TM6SF1: variants seen among roughly 807,000 people sequenced by gnomAD.
The protein encoded by TM6SF1 is transmembrane 6 superfamily member 1.
Under a neutral mutation model 47.1 loss-of-function variants are expected in TM6SF1, and 43 were observed. That is an observed-to-expected ratio of 0.91 (90% CI 0.72 to 1.18). The LOEUF (loss-of-function observed/expected upper bound fraction) is 1.18, where lower values mean the gene tolerates loss of function less well. Ranked by LOEUF, TM6SF1 falls within the 50% of genes most tolerant of loss-of-function variation. The pLI is 0.00. For synonymous variants in TM6SF1, 177 were observed against 166.3 expected (o/e 1.06, Z -0.49); for missense variants, 390 against 449.0 (o/e 0.87, Z 1.19).
chr15:83,124,801 G>GT lies in TM6SF1; in HGVS notation c.708+26dup, dbSNP rs1162430329. 1.9e-6 allele frequency: 3 copies of GT among 1,539,872 alleles called. No homozygotes were observed. In the Admixed American group the frequency reaches 5.1e-5, roughly 26 times the overall value. On this transcript the variant is annotated intron_variant, in intron 7 of 9. Coordinates refer to ENST00000322019, the MANE Select transcript of TM6SF1 (RefSeq NM_023003.5). ...GGTAAGCATAACAGATCATAATAAC[G>GT]TAACATTGTGATACTACTCACATTT...
chr15:83,127,386 CTTACT>C lies in TM6SF1; in HGVS notation c.833_837del (p.Tyr278CysfsTer17). On this transcript the variant is annotated frameshift_variant, in exon 9 of 10. Transcript: ENST00000322019. LOFTEE classifies it high-confidence loss of function. ...CTGGCATATATGTTCTATTCTGTTC[CTTACT>C]TTGTGACTGCACTGTATGGCTTAGT... The C allele has an allele frequency of 6.2e-7, 1 of 1,613,788 alleles. No homozygotes were observed. Among genetic ancestry groups the C allele is most frequent in the South Asian group, 1.1e-5 (1 of 91,058 alleles).
chr15:83,108,861 C>T (rs1241103072), intron 1 of TM6SF1, among the ~76,000 whole-genome samples: 1 of 152,234 alleles, frequency 6.6e-6, no homozygotes, highest in African/African-American at 2.4e-5. Flanking sequence ...TCACCAGGCA[C>T]CAGCAGTGTC....
chr15:83,132,931 G>A (rs1200501818), intron 9 of TM6SF1: 2 of 152,178 alleles, frequency 1.3e-5, no homozygotes, highest in Non-Finnish European at 1.5e-5. Flanking sequence ...AAAAGGTCAA[G>A]AGAATCTAAA....
At chr15:83,128,356 T>C (rs1005399787) in intron 9 of TM6SF1, 1 of 152,214 alleles carries the variant, frequency 6.6e-6, no homozygotes, top group African/African-American at 2.4e-5. Flanking sequence ...ATTATAAAAT[T>C]AGCATAGTAG....
Position 83,109,486 on chromosome 15 carries a change from G to C in TM6SF1, c.92+1714G>C, listed in dbSNP as rs559243643. On this transcript the variant is annotated intron_variant, in intron 1 of 9. Coordinates refer to ENST00000322019, the MANE Select transcript of TM6SF1 (RefSeq NM_023003.5). The stretch of plus-strand genomic sequence containing the variant: ...GCACTGGCAAGCACTACAGCATTTT[G>C]AATAATTAGTGTCAGCCATTCTTCC... Among the ~76,000 whole-genome samples the C allele has an allele frequency of 5.9e-5, 9 of 152,300 alleles. No individual in the cohort carries two copies. In the South Asian group the frequency reaches 1.9e-3, roughly 32 times the overall value.
chr15:83,131,010 G>C (rs1303491080), intron 9 of TM6SF1: 1 of 152,218 alleles, frequency 6.6e-6, no homozygotes, highest in Non-Finnish European at 1.5e-5. Context: ...AGGATCACTT[G>C]AACCAGGAGG....
intron 6 of TM6SF1, among the ~76,000 whole-genome samples, chr15:83,123,735 A>G (rs1198247351): frequency 6.6e-6 from 1 of 152,236 alleles, no homozygotes; most frequent in Non-Finnish European, 1.5e-5. Flanking sequence ...AAAAGCAAAT[A>G]GTCAGTCCAC....
At chr15:83,126,602 A>C (rs886891947) in intron 7 of TM6SF1, among the ~76,000 whole-genome samples, 153 bp from the exon 8 acceptor site, 3 of 152,214 alleles carry the variant, frequency 2.0e-5, no homozygotes, top group African/African-American at 7.2e-5. Flanking sequence ...ACAAATCTGC[A>C]AAATATTTCC....
chr15:83,133,170 C>T (rs1212059233), intron 9 of TM6SF1: 1 of 152,208 alleles, frequency 6.6e-6, no homozygotes, highest in Non-Finnish European at 1.5e-5. Context: ...TGTCTAGTTC[C>T]AAAGTCAGTG....
At chr15:83,126,001 A>G (rs1460842345) in intron 7 of TM6SF1, among the ~76,000 whole-genome samples, 3 of 152,208 alleles carry the variant, frequency 2.0e-5, no homozygotes, top group African/African-American at 7.2e-5. Flanking sequence ...CTTAAAGTTC[A>G]AACAACAAAA....
chr15:83,135,612 A>G (rs1329814765), intron 9 of TM6SF1: 5 of 152,150 alleles, frequency 3.3e-5, no homozygotes, highest in African/African-American at 1.2e-4. Context: ...TACCCTTTCC[A>G]ATACGGTTTT....
intron 2 of TM6SF1, chr15:83,114,627 G>C (rs1239199009): frequency 3.3e-5 from 5 of 152,664 alleles, no homozygotes; most frequent in African/African-American, 1.2e-4. Context: ...GCTGACTCCA[G>C]GCAAGGCCGG....
intron 9 of TM6SF1, chr15:83,136,247 T>A: frequency 2.7e-6 from 1 of 369,066 alleles, no homozygotes; most frequent in East Asian, 4.0e-5. Context: ...CACTAAATAA[T>A]ATCTACTTTA....
chr15:83,115,871 G>A lies in TM6SF1; in HGVS notation c.223G>A (p.Val75Met), dbSNP rs145360175. 180 of 1,614,122 alleles carry A rather than the reference G, an allele frequency of 1.1e-4. No homozygotes were observed. Among genetic ancestry groups the A allele is most frequent in the Non-Finnish European group, 1.4e-4 (164 of 1,179,980 alleles). Residue 75 changes from valine to methionine, a missense_variant, in exon 3 of 10, where the codon GTG becomes ATG. Physicochemically the swap from Val to Met is conservative, Grantham distance 21. Transcript: ENST00000322019. ...GTATGCAGTTTTTGGATTTACCAGC[G>A]TGGTGAACCTCATCATAGGACTGGA... ...YVYAVFGFTS[V>M]VNLIIGLEQD...
chr15:83,128,513 G>C (rs2035966416), intron 9 of TM6SF1: 1 of 152,058 alleles, frequency 6.6e-6, no homozygotes, highest in Admixed American at 6.6e-5. Context: ...TCAGTCCTTG[G>C]GGTTTATTTC....
intron 9 of TM6SF1, 71 bp downstream of exon 9, chr15:83,127,548 T>A: frequency 6.4e-7 from 1 of 1,564,426 alleles, no homozygotes; most frequent in Non-Finnish European, 8.7e-7. Context: ...ATGAAAAACT[T>A]CTCTGCTCAG....
At chr15:83,122,451 A>G (rs977484093) in intron 5 of TM6SF1, among the ~76,000 whole-genome samples, 1 of 152,222 alleles carries the variant, frequency 6.6e-6, no homozygotes, top group Non-Finnish European at 1.5e-5. Context: ...ACAAACATAT[A>G]TAGATACCTA....
chr15:83,113,009 A>G (rs2034327607), intron 2 of TM6SF1, 109 bp downstream of exon 2: 1 of 901,338 alleles, frequency 1.1e-6, no homozygotes, highest in Non-Finnish European at 1.8e-6. Context: ...CTTTGGTAAC[A>G]GTGGCTGCAA....
chr15:83,119,430 A>C (rs1403378078), intron 3 of TM6SF1, 148 bp from the exon 4 acceptor site: 1 of 851,926 alleles, frequency 1.2e-6, no homozygotes, highest in Non-Finnish European at 1.8e-6. Context: ...TTGTATTTTC[A>C]TGTTCCTACC....
Sources: gnomAD v4.1 joint callset for allele counts (sites outside exome capture counted in the v4.1 genomes callset) on GRCh38, gnomAD v4.1.1 for gene constraint, MANE v1.5 for transcripts, NCBI Gene and HGNC (gene_info 2026-07-23, HGNC 2026-07-21) for gene names.